PPP1R9A: variants seen among roughly 807,000 people sequenced by gnomAD.
The protein encoded by PPP1R9A is neurabin-1.
PPP1R9A carries 59 observed loss-of-function variants against 141.9 expected under a neutral mutation model. The observed-to-expected ratio is 0.42, with a 90% CI of 0.34 to 0.52. PPP1R9A has a LOEUF of 0.52. Among genes scored for constraint, PPP1R9A ranks in the 20% least tolerant of loss-of-function variants. The pLI is 0.10. For missense variants in PPP1R9A, 1,444 were observed against 1,611.9 expected, an observed-to-expected ratio of 0.90 and a Z score of 1.78; for synonymous variants, 500 against 569.7, an observed-to-expected ratio of 0.88 and a Z score of 1.74.
intron 16 of PPP1R9A, among the ~76,000 whole-genome samples, chr7:95,282,787 C>T (rs970444526): frequency 6.6e-6 from 1 of 152,160 alleles, no homozygotes; most frequent in African/African-American, 2.4e-5. Flanking sequence ...AGTTATCAGC[C>T]TTATAATCCC....
intron 2 of PPP1R9A, among the ~76,000 whole-genome samples, chr7:95,003,916 A>G (rs1024618538): frequency 6.6e-6 from 1 of 152,204 alleles, no homozygotes; most frequent in African/African-American, 2.4e-5. Context: ...TTAGCTACCC[A>G]TCTGTACTTA....
chr7:95,183,762 A>G (rs1423699711), intron 5 of PPP1R9A, among the ~76,000 whole-genome samples: 1 of 151,964 alleles, frequency 6.6e-6, no homozygotes, highest in Non-Finnish European at 1.5e-5. Flanking sequence ...TATTCTTATA[A>G]TTAGTATTGG....
chr7:95,249,894 C>T, intron 9 of PPP1R9A, 132 bp from the exon 10 acceptor site: 1 of 1,248,010 alleles, frequency 8.0e-7, no homozygotes, highest in South Asian at 1.8e-5. Flanking sequence ...ATAATACCTG[C>T]TTTTCTCATC....
intron 2 of PPP1R9A, among the ~76,000 whole-genome samples, chr7:95,051,279 A>G (rs1001865538): frequency 2.6e-5 from 4 of 152,060 alleles, no homozygotes; most frequent in African/African-American, 9.7e-5. Flanking sequence ...TCTTTTGTCA[A>G]AGATCAGTCA....
At chr7:95,053,221 A>G (rs10236744) in intron 2 of PPP1R9A, among the ~76,000 whole-genome samples, 1 of 152,154 alleles carries the variant, frequency 6.6e-6, no homozygotes, top group Non-Finnish European at 1.5e-5. Flanking sequence ...AAAGAAAAGC[A>G]AATAAAGTGA....
chr7:95,111,973 A>G (rs757250688), intron 3 of PPP1R9A, among the ~76,000 whole-genome samples: 2 of 152,068 alleles, frequency 1.3e-5, no homozygotes, highest in Non-Finnish European at 2.9e-5. Context: ...GGTAAGATGT[A>G]AGATGGGCAC....
chr7:95,245,626 G>C (rs1373842380), intron 8 of PPP1R9A, among the ~76,000 whole-genome samples: 2 of 152,034 alleles, frequency 1.3e-5, no homozygotes, highest in Non-Finnish European at 2.9e-5. Context: ...GGAATTGCAG[G>C]GATTTCTGAG....
chr7:95,185,241 G>T (rs1834465311), intron 5 of PPP1R9A, among the ~76,000 whole-genome samples: 1 of 151,852 alleles, frequency 6.6e-6, no homozygotes, highest in Non-Finnish European at 1.5e-5. Flanking sequence ...GGAGTAAGGT[G>T]GTATCACACT....
chr7:95,000,688 T>C (rs1294604650), intron 2 of PPP1R9A, among the ~76,000 whole-genome samples: 1 of 152,144 alleles, frequency 6.6e-6, no homozygotes, highest in Non-Finnish European at 1.5e-5. Flanking sequence ...CCTCAACTTC[T>C]TTGTAAGGTA....
rs117127122 is a variant in PPP1R9A, at chr7:95,088,765, G to A, written c.1396-22494G>A. On this transcript the variant is annotated intron_variant, in intron 2 of 19. Transcript: ENST00000433360. The stretch of plus-strand genomic sequence containing the variant: ...TGATGTGAGTAAGTGGGAGGACCTG[G>A]AGGCATACACTAATGGATATCTCTT... 5.5e-4 allele frequency among the ~76,000 whole-genome samples: 84 copies of A among 152,060 alleles called. 1 individual carries two copies. The East Asian group carries it at 0.014, about 25-fold the overall frequency.
chr7:95,064,697 G>A (rs975155770), intron 2 of PPP1R9A, among the ~76,000 whole-genome samples: 2 of 152,160 alleles, frequency 1.3e-5, no homozygotes, highest in African/African-American at 4.8e-5. Context: ...TAGCAAGTGG[G>A]CAACTTTTCA....
chr7:95,037,292 GAA>G (rs1483511592), intron 2 of PPP1R9A, among the ~76,000 whole-genome samples: 1 of 151,920 alleles, frequency 6.6e-6, no homozygotes, highest in East Asian at 1.9e-4. Context: ...TTCTTTAACT[GAA>G]AAAAATTGAG....
chr7:95,123,920 G>T (rs1235761482), intron 4 of PPP1R9A, among the ~76,000 whole-genome samples: 1 of 152,104 alleles, frequency 6.6e-6, no homozygotes, highest in African/African-American at 2.4e-5. Context: ...GTTATTATGG[G>T]AGAAGCCTCA....
At chr7:95,024,177 C>T (rs893591278) in intron 2 of PPP1R9A, among the ~76,000 whole-genome samples, 3 of 152,090 alleles carry the variant, frequency 2.0e-5, no homozygotes, top group African/African-American at 7.2e-5. Context: ...TTTCCATTTG[C>T]TGAGGAGTGT....
intron 2 of PPP1R9A, among the ~76,000 whole-genome samples, chr7:94,972,097 T>C (rs1287218522): frequency 6.6e-6 from 1 of 152,236 alleles, no homozygotes; most frequent in Non-Finnish European, 1.5e-5. Flanking sequence ...CAGGCACACA[T>C]AGAAGGTGGC....
At chr7:94,919,300 CATTTTT>C (rs869240750) in intron 2 of PPP1R9A, among the ~76,000 whole-genome samples, 8,929 of 119,848 alleles carry the variant, frequency 0.075, 345 homozygotes, top group East Asian at 0.17. Context: ...TGGATAATTA[CATTTTT>C]TTTTTTTTTT....
At chr7:95,124,503 T>G (rs1183761809) in intron 4 of PPP1R9A, among the ~76,000 whole-genome samples, 1 of 152,132 alleles carries the variant, frequency 6.6e-6, no homozygotes, top group Admixed American at 6.5e-5. Context: ...ATATCTAATT[T>G]TGTAGAGAAT....
At chr7:95,040,037 G>A (rs1463112618) in intron 2 of PPP1R9A, among the ~76,000 whole-genome samples, 4 of 152,068 alleles carry the variant, frequency 2.6e-5, no homozygotes, top group Admixed American at 2.6e-4. Context: ...TAAGAGAGAC[G>A]GTGGAAGATA....
intron 3 of PPP1R9A, among the ~76,000 whole-genome samples, chr7:95,115,916 C>CA (rs746135056): frequency 0.077 from 4,592 of 59,854 alleles, 182 homozygotes; most frequent in African/African-American, 0.19. Context: ...GACTCTGTCT[C>CA]AAAAAAAAAA....
Sources: allele counts gnomAD v4.1 joint callset (sites outside exome capture counted in the v4.1 genomes callset), GRCh38; gene constraint gnomAD v4.1.1; transcripts MANE v1.5; gene names NCBI Gene and HGNC (gene_info 2026-07-23, HGNC 2026-07-21).